The following MYO1D variants were observed in gnomAD, a reference collection of about 807,000 sequenced individuals.
MYO1D encodes myosin ID.
MYO1D carries 83 observed loss-of-function variants against 122.0 expected under a neutral mutation model. The ratio of observed to expected loss-of-function variants is 0.68; its 90% confidence interval spans 0.57 to 0.82. The LOEUF is 0.82. Ranked by LOEUF, MYO1D falls within the 40% of genes least tolerant of loss-of-function variation. The pLI, the probability that MYO1D is intolerant of heterozygous loss-of-function variation, is 0.00. For missense variants in MYO1D, 1,157 were observed against 1,269.5 expected (o/e 0.91, Z 1.35); for synonymous variants, 464 against 446.9 (o/e 1.04, Z -0.48).
intron 10 of MYO1D, chr17:32,756,286 G>A (rs1183202198): frequency 4.4e-6 from 1 of 226,884 alleles, no homozygotes; most frequent in African/African-American, 2.2e-5. Flanking sequence ...TAACTGTAGT[G>A]TTTGGCAGAG....
chr17:32,539,551 T>A (rs902878530), intron 21 of MYO1D, among the ~76,000 whole-genome samples: 1 of 152,160 alleles, frequency 6.6e-6, no homozygotes, highest in Admixed American at 6.5e-5. Flanking sequence ...TCTTCCAGCT[T>A]CGGGTGGCTG....
rs1264421683 is a variant in MYO1D at position 32,760,128 on chromosome 17, T to C, written c.1296+162A>G. 3.9e-6 allele frequency: 3 copies of C among 768,590 alleles called. No homozygotes were observed. In the African/African-American group the frequency reaches 5.1e-5, roughly 13 times the overall value. 47.6% of individuals were successfully genotyped at this position (768,590 alleles called of 1,614,324 possible). A position where few individuals can be genotyped will look rare whatever the true frequency, so the allele number is the denominator to read the frequency against. Reference sequence around the variant, plus strand: ...TCTATCAAATTATAGCAATCCCACCTAAAAATGATGAAATTAATTGTATTT... The same window carrying C: ...TCTATCAAATTATAGCAATCCCACCCAAAAATGATGAAATTAATTGTATTT... On this transcript the variant is annotated intron_variant, in intron 10 of 21. Coordinates refer to ENST00000318217, the MANE Select transcript of MYO1D (RefSeq NM_015194.3).
intron 14 of MYO1D, among the ~76,000 whole-genome samples, chr17:32,726,498 A>T (rs191989287): frequency 1.3e-4 from 20 of 151,192 alleles, no homozygotes; most frequent in African/African-American, 2.7e-4. Flanking sequence ...GATATATTTT[A>T]AAAAAATAGG....
intron 21 of MYO1D, among the ~76,000 whole-genome samples, chr17:32,499,795 CA>C (rs59999483): frequency 0.088 from 12,814 of 144,860 alleles, 1,776 homozygotes; most frequent in African/African-American, 0.3. Flanking sequence ...ACTGTCTCTA[CA>C]AAAAAAAAAA....
chr17:32,623,542 T>C (rs2087880550), intron 20 of MYO1D, among the ~76,000 whole-genome samples: 1 of 152,226 alleles, frequency 6.6e-6, no homozygotes, highest in South Asian at 2.1e-4. Context: ...TATACTACTC[T>C]TGTTTAAGGA....
intron 8 of MYO1D, among the ~76,000 whole-genome samples, chr17:32,763,737 T>C (rs2090026147): frequency 6.6e-6 from 1 of 152,098 alleles, no homozygotes; most frequent in Non-Finnish European, 1.5e-5. Context: ...CTGGTCAACA[T>C]GGTGAAACCT....
chr17:32,827,486 C>T (rs1019448184), intron 1 of MYO1D, among the ~76,000 whole-genome samples: 2 of 151,982 alleles, frequency 1.3e-5, no homozygotes, highest in African/African-American at 4.8e-5. Flanking sequence ...GTGGTGACAG[C>T]TGAACAACAA....
At chr17:32,763,946 C>T (rs1249427457) in intron 8 of MYO1D, among the ~76,000 whole-genome samples, 1 of 151,916 alleles carries the variant, frequency 6.6e-6, no homozygotes, top group African/African-American at 2.4e-5. Context: ...ATAAGTATAC[C>T]CTTTGACCTG....
chr17:32,760,583 A>G lies in MYO1D; in HGVS notation c.1080T>C (p.Asn360=). ...RLFCWIVTRI[N]DIIEVKNYDT... is the part of the protein sequence containing the mutation. ...CATAGTTCTTGACCTCAATAATATC[A>G]TTGATGCGAGTAACGATCCAACAAA... The change falls in exon 9 of 22, where the codon AAT becomes AAC. Residue 360 remains asparagine (N), a synonymous_variant. Transcript: ENST00000318217. 6.2e-7 allele frequency: 1 copy of G among 1,613,498 alleles called. No individual in the cohort carries two copies. The highest frequency in any genetic ancestry group is 8.5e-7 in the Non-Finnish European group (1 of 1,179,696).
chr17:32,797,267 C>A lies in MYO1D; in HGVS notation c.96-16483G>T, dbSNP rs572775099. 5.7e-4 allele frequency among the ~76,000 whole-genome samples: 87 copies of A among 152,352 alleles called. 1 individual carries two copies. The highest frequency in any genetic ancestry group is 2.0e-3 in the African/African-American group (83 of 41,586). ...TACAGGCGTAAGCCATCACACCTGG[C>A]CTGCTGCATCACTTTTCTAAAAACA... On this transcript the variant is annotated intron_variant, in intron 1 of 21. Transcript: ENST00000318217.
intron 12 of MYO1D, among the ~76,000 whole-genome samples, chr17:32,746,498 T>C (rs2089839607): frequency 6.6e-6 from 1 of 152,214 alleles, no homozygotes; most frequent in African/African-American, 2.4e-5. Context: ...AAATGAGTAA[T>C]TGCTATTACT....
chr17:32,764,628 G>C (rs921586743), intron 8 of MYO1D, among the ~76,000 whole-genome samples: 4 of 152,134 alleles, frequency 2.6e-5, no homozygotes, highest in Non-Finnish European at 4.4e-5. Flanking sequence ...TATTGAGTGA[G>C]AGAAGCAGCA....
chr17:32,555,660 G>A (rs547023969), intron 21 of MYO1D, among the ~76,000 whole-genome samples: 58 of 152,148 alleles, frequency 3.8e-4, no homozygotes, highest in African/African-American at 1.3e-3. Flanking sequence ...TTTCCCGCTC[G>A]TCCCGGCTAG....
intron 1 of MYO1D, among the ~76,000 whole-genome samples, chr17:32,872,859 G>T (rs2091194189): frequency 6.6e-6 from 1 of 151,124 alleles, no homozygotes; most frequent in African/African-American, 2.4e-5. Context: ...ACCGCGCCCG[G>T]CTAATTTTTT....
chr17:32,495,305 TGA>T (rs140931006), intron 21 of MYO1D, among the ~76,000 whole-genome samples: 137 of 149,942 alleles, frequency 9.1e-4, no homozygotes, highest in African/African-American at 2.7e-3. Context: ...CATGCCCCAG[TGA>T]GAGAGAGAGA....
chr17:32,722,512 T>G (rs1371953342), intron 14 of MYO1D, among the ~76,000 whole-genome samples: 2 of 152,212 alleles, frequency 1.3e-5, no homozygotes, highest in African/African-American at 4.8e-5. Flanking sequence ...GTTGAGTCTT[T>G]TATGATGTCA....
Position 32,548,087 on chromosome 17 carries a change from G to C in MYO1D, c.2865-53172C>G, listed in dbSNP as rs1042839153. Among the ~76,000 whole-genome samples the C allele has an allele frequency of 2.0e-5, 3 of 152,002 alleles. No individual in the cohort carries two copies. In the East Asian group the frequency reaches 5.8e-4, roughly 29 times the overall value. On this transcript the variant is annotated intron_variant, in intron 21 of 21. Coordinates refer to ENST00000318217, the MANE Select transcript of MYO1D (RefSeq NM_015194.3). ...TAGAACCCTAAGCCCTTTCTTTCTG[G>C]GTTTGTCACCTGCTGAAGAAATTTG...
rs138748957 is a variant in MYO1D at position 32,550,331 on chromosome 17, C to G, written c.2864+54756G>C. 2.9e-3 allele frequency among the ~76,000 whole-genome samples: 435 copies of G among 152,296 alleles called. 3 individuals are homozygous for G. Among genetic ancestry groups the G allele is most frequent in the African/African-American group, 0.01 (419 of 41,566 alleles). ...GCCAGGCTGGTCTCGAACTCCTGAT[C>G]TTAGGTGATCTGCCTGCCTTGGCCT... On this transcript the variant is annotated intron_variant, in intron 21 of 21. Transcript: ENST00000318217.
At chr17:32,718,466 G>A (rs552066996) in intron 15 of MYO1D, among the ~76,000 whole-genome samples, 3 of 152,300 alleles carry the variant, frequency 2.0e-5, no homozygotes, top group South Asian at 2.1e-4. Flanking sequence ...GGGAGGCTGA[G>A]GCGGGTGGAT....
Sources: gnomAD v4.1 joint callset for allele counts (sites outside exome capture counted in the v4.1 genomes callset) on GRCh38, gnomAD v4.1.1 for gene constraint, MANE v1.5 for transcripts, NCBI Gene and HGNC (gene_info 2026-07-23, HGNC 2026-07-21) for gene names.